HAVCR1: variants seen among roughly 807,000 people sequenced by gnomAD.
The protein encoded by HAVCR1 is T cell immunoglobin domain and mucin domain protein 1.
A neutral mutation model predicts 32.0 loss-of-function variants in HAVCR1; 34 were observed. The ratio of observed to expected loss-of-function variants is 1.06; its 90% CI spans 0.81 to 1.42. HAVCR1 has a LOEUF of 1.42. HAVCR1 is among the 40% of genes most tolerant of loss of function. HAVCR1 has a pLI of 0.00. For synonymous variants in HAVCR1, 178 were observed against 170.3 expected, an observed-to-expected ratio of 1.05 and a Z score of -0.35; for missense variants, 420 against 442.3, an observed-to-expected ratio of 0.95 and a Z score of 0.45.
intron 7 of HAVCR1, 64 bp from the exon 8 acceptor site, chr5:157,032,951 A>C (rs924250399): frequency 2.0e-6 from 2 of 1,002,600 alleles, no homozygotes; most frequent in Non-Finnish European, 3.0e-6. Flanking sequence ...CAAGAGTTTT[A>C]ATCTTTTTTT....
chr5:157,044,627 AAG>A (rs747809028), intron 5 of HAVCR1, among the ~76,000 whole-genome samples: 17 of 61,538 alleles, frequency 2.8e-4, no homozygotes, highest in African/African-American at 9.7e-4. Flanking sequence ...GAAAGAAAGA[AAG>A]AAAGAAAGAA....
intron 4 of HAVCR1, among the ~76,000 whole-genome samples, chr5:157,051,633 C>A (rs7702877): frequency 1.3e-5 from 2 of 151,948 alleles, no homozygotes; most frequent in Non-Finnish European, 2.9e-5. Context: ...CGGCCCCAAG[C>A]GATTCCTCCA....
chr5:157,060,833 C>G (rs578001645), upstream of HAVCR1, among the ~76,000 whole-genome samples: 17 of 152,204 alleles, frequency 1.1e-4, no homozygotes, highest in South Asian at 3.1e-3. Flanking sequence ...TCGTGCACTA[C>G]AGCAGCCACT....
In HAVCR1 at chr5:157,044,647, AAG is replaced by A. The variant is rs763352460; in HGVS notation, c.782-1967_782-1966del. On this transcript the variant is annotated intron_variant, in intron 5 of 8. Transcript: ENST00000523175. ...AAAGAAAGAAAGAAAGAAAGAAAGA[AAG>A]AAAGAAAGAAAGAAAGAAAGAAAGA... 9.0e-3 allele frequency among the ~76,000 whole-genome samples: 1,141 copies of A among 126,138 alleles called. 59 individuals carry two copies. The highest frequency in any genetic ancestry group is 0.035 in the African/African-American group (1,046 of 29,502). 82.8% of individuals were successfully genotyped at this position (126,138 alleles called of 152,430 possible). A position where few individuals can be genotyped will look rare whatever the true frequency, so the allele number is the denominator to read the frequency against.
the HAVCR1 span, among the ~76,000 whole-genome samples, chr5:157,064,516 C>G: frequency 6.6e-6 from 1 of 152,106 alleles, no homozygotes; most frequent in African/African-American, 2.4e-5. Context: ...AAGATGACTC[C>G]AAGGATTTCG....
the HAVCR1 span, among the ~76,000 whole-genome samples, chr5:157,064,413 TA>T: frequency 6.6e-6 from 1 of 151,256 alleles, no homozygotes; most frequent in Non-Finnish European, 1.5e-5. Context: ...TCCCAGCTAC[TA>T]AAGAGGCTGA....
At chr5:157,032,557 T>A (rs1754241815) in intron 8 of HAVCR1, among the ~76,000 whole-genome samples, 1 of 145,484 alleles carries the variant, frequency 6.9e-6, no homozygotes, top group Non-Finnish European at 1.5e-5. Context: ...AAGAACAAAC[T>A]AAAGCAAATC....
Position 157,046,163 on chromosome 5 carries a change from T to C in HAVCR1, c.781+2875A>G, listed in dbSNP as rs557437426. 3.3e-5 allele frequency among the ~76,000 whole-genome samples: 5 copies of C among 152,242 alleles called. No homozygotes were observed. In the South Asian group the frequency reaches 6.2e-4, roughly 19 times the overall value. On this transcript the variant is annotated intron_variant, in intron 5 of 8. Coordinates refer to ENST00000523175, the MANE Select transcript of HAVCR1 (RefSeq NM_001173393.3). The stretch of plus-strand genomic sequence containing the variant: ...TAAATTAACCAGCTACCAGGAATGA[T>C]TGGCAAAAAAAGTAGGCCATGTAGG...
chr5:157,049,131 A>G lies in HAVCR1; in HGVS notation c.688T>C (p.Ser230Pro). 6.2e-7 allele frequency: 1 copy of G among 1,606,006 alleles called. No homozygotes were observed. Among genetic ancestry groups the G allele is most frequent in the Non-Finnish European group, 8.5e-7 (1 of 1,172,620 alleles). Residue 230 changes from serine (S) to proline (P), a missense_variant, in exon 5 of 9, where the codon TCT (serine) becomes CCT (proline). Coordinates refer to ENST00000523175, the MANE Select transcript of HAVCR1 (RefSeq NM_001173393.3). The stretch of plus-strand genomic sequence containing the variant: ...TGGGTTTCTGCTGGCTGAGGTGAAG[A>G]TGGTGAAGTGGCTACTGGAATGAAA... The part of the protein sequence containing the change: ...QNHEPVATSP[S>P]SPQPAETHPT...
chr5:157,039,409 T>C (rs890389785), intron 6 of HAVCR1, among the ~76,000 whole-genome samples: 10 of 152,118 alleles, frequency 6.6e-5, no homozygotes, highest in African/African-American at 2.4e-4. Flanking sequence ...AGTACAGTGG[T>C]GCAATCTCGG....
At chr5:157,055,873 CA>C (rs66978480) in intron 2 of HAVCR1, among the ~76,000 whole-genome samples, 35,439 of 150,202 alleles carry the variant, frequency 0.24, 4,496 homozygotes, top group Middle Eastern at 0.33. Context: ...CCCCCTCCCC[CA>C]AAAAAAAATT....
intron 5 of HAVCR1, among the ~76,000 whole-genome samples, chr5:157,044,931 G>A (rs1307447426): frequency 1.3e-5 from 2 of 152,094 alleles, no homozygotes; most frequent in Non-Finnish European, 1.5e-5. Flanking sequence ...AGTTATGTAT[G>A]TATGTATAGG....
chr5:157,046,401 C>A (rs1755398671), intron 5 of HAVCR1, among the ~76,000 whole-genome samples: 2 of 152,304 alleles, frequency 1.3e-5, no homozygotes, highest in Admixed American at 6.5e-5. Context: ...TCAGCATCAA[C>A]TTTCTCCATC....
intron 5 of HAVCR1, among the ~76,000 whole-genome samples, chr5:157,047,181 G>T (rs554888722): frequency 6.6e-6 from 1 of 152,070 alleles, no homozygotes; most frequent in South Asian, 2.1e-4. Context: ...CTGATTGTGG[G>T]TCATAAGACA....
chr5:157,039,189 T>C (rs572140865), intron 6 of HAVCR1, among the ~76,000 whole-genome samples: 1 of 152,366 alleles, frequency 6.6e-6, no homozygotes, highest in African/African-American at 2.4e-5. Context: ...TTATATACTT[T>C]TATAGAATTT....
rs551000825 is a variant in HAVCR1, at chr5:157,055,555, CTG to C, written c.47-24_47-23del. 4,834 of 1,411,554 alleles carry C rather than the reference CTG, an allele frequency of 3.4e-3. 16 individuals are homozygous for C. The highest frequency in any genetic ancestry group is 4.3e-3 in the Non-Finnish European group (4,456 of 1,025,546). The allele number at this position is 1,411,554 out of a possible 1,614,324, so 87.4% of individuals were successfully genotyped here. A position where few individuals can be genotyped will look rare whatever the true frequency, so the allele number is the denominator to read the frequency against. On this transcript the variant is annotated intron_variant, in intron 2 of 8. Transcript: ENST00000523175. ...GAATCTGCAAAGAAGAAAAGACAAA[CTG>C]AGAATGAGCCCTCACTATTTCATCT...
intron 8 of HAVCR1, among the ~76,000 whole-genome samples, chr5:157,030,878 T>C (rs1754131794): frequency 6.6e-6 from 1 of 152,174 alleles, no homozygotes; most frequent in Non-Finnish European, 1.5e-5. Context: ...TCCACTATGG[T>C]CCCTAAACAG....
At chr5:157,058,709 G>A (rs1178505295) in intron 1 of HAVCR1, among the ~76,000 whole-genome samples, 1 of 152,228 alleles carries the variant, frequency 6.6e-6, no homozygotes, top group Non-Finnish European at 1.5e-5. Flanking sequence ...TCTGGTGGAC[G>A]TGGAGCTTTT....
At chr5:157,067,467 C>T in the HAVCR1 span, among the ~76,000 whole-genome samples, 2 of 152,034 alleles carry the variant, frequency 1.3e-5, no homozygotes, top group Non-Finnish European at 2.9e-5. Flanking sequence ...AATCAGCAGC[C>T]CAGCCTGAGC....
Sources: gnomAD v4.1 joint callset for allele counts (sites outside exome capture counted in the v4.1 genomes callset) on GRCh38, gnomAD v4.1.1 for gene constraint, MANE v1.5 for transcripts, NCBI Gene and HGNC (gene_info 2026-07-23, HGNC 2026-07-21) for gene names.